Variants in TRDN observed in about 807,000 individuals in gnomAD.
TRDN encodes the protein triadin.
A neutral mutation model predicts 149.7 loss-of-function variants in TRDN; 161 were observed. The ratio of observed to expected loss-of-function variants is 1.08; its 90% CI spans 0.95 to 1.23. The LOEUF (loss-of-function observed/expected upper bound fraction) is 1.23. Among genes scored for constraint, TRDN ranks in the 50% most tolerant of loss-of-function variants. The pLI is 0.00. For missense variants in TRDN, 896 were observed against 823.5 expected, an observed-to-expected ratio of 1.09 and a Z score of -1.08; for synonymous variants, 294 against 250.5, an observed-to-expected ratio of 1.17 and a Z score of -1.64.
At chr6:123,545,285 TAA>T (rs1000745032) in intron 4 of TRDN, among the ~76,000 whole-genome samples, 4 of 151,850 alleles carry the variant, frequency 2.6e-5, no homozygotes, top group African/African-American at 4.8e-5. Flanking sequence ...AAATAACTTA[TAA>T]GACAAGAATA....
chr6:123,449,861 A>G (rs191493772), intron 10 of TRDN, among the ~76,000 whole-genome samples: 1 of 152,316 alleles, frequency 6.6e-6, no homozygotes, highest in East Asian at 1.9e-4. Context: ...CAGATTAACA[A>G]CAGATTTCTG....
intron 12 of TRDN, among the ~76,000 whole-genome samples, chr6:123,430,419 A>G (rs1379194734): frequency 6.6e-6 from 1 of 151,682 alleles, no homozygotes; most frequent in Non-Finnish European, 1.5e-5. Flanking sequence ...CGTCTCTACT[A>G]AAACTACAAA....
chr6:123,466,430 CAG>C (rs1776819088), intron 9 of TRDN, among the ~76,000 whole-genome samples: 1 of 152,040 alleles, frequency 6.6e-6, no homozygotes, highest in Non-Finnish European at 1.5e-5. Context: ...TGAGGTTAAC[CAG>C]AGTTTAGGCT....
At position 123,465,610 on chromosome 6, in the gene TRDN, AG is replaced by A. The variant is rs1562328618; in HGVS notation, c.854-628del. Among the ~76,000 whole-genome samples, 16 of 147,044 alleles carry A rather than the reference AG, an allele frequency of 1.1e-4. No individual in the cohort carries two copies. The East Asian group carries it at 3.2e-3, about 30-fold the overall frequency. Reference sequence around the variant, plus strand: ...AAAAAAAAAAAAAAAAAAAAGAGAGAGAGAGAGAAAGAAAGAAAACCCACAA... The same window carrying A: ...AAAAAAAAAAAAAAAAAAAAGAGAGAAGAGAGAAAGAAAGAAAACCCACAA... On this transcript the variant is annotated intron_variant, in intron 9 of 40. Transcript: ENST00000334268.
chr6:123,426,738 C>T (rs935634172), intron 12 of TRDN, among the ~76,000 whole-genome samples: 3 of 152,044 alleles, frequency 2.0e-5, no homozygotes, highest in Non-Finnish European at 1.5e-5. Context: ...TCATTTTTGA[C>T]CTTATATTCC....
At chr6:123,566,437 T>G (rs1268163030) in intron 2 of TRDN, among the ~76,000 whole-genome samples, 1 of 151,988 alleles carries the variant, frequency 6.6e-6, no homozygotes, top group African/African-American at 2.4e-5. Context: ...ATTCTGAAAA[T>G]AGGGGGAATT....
chr6:123,252,895 A>G (rs1008629868), intron 37 of TRDN, among the ~76,000 whole-genome samples: 2 of 152,132 alleles, frequency 1.3e-5, no homozygotes, highest in Non-Finnish European at 2.9e-5. Context: ...AAATACTCTT[A>G]CTAAAATCAA....
chr6:123,625,069 T>C (rs1583342480), intron 1 of TRDN, among the ~76,000 whole-genome samples: 1 of 85,310 alleles, frequency 1.2e-5, no homozygotes, highest in African/African-American at 3.7e-5. Flanking sequence ...CCTGTCTCTT[T>C]TTTTTTTTTT....
At chr6:123,530,596 A>G (rs1208015876) in intron 4 of TRDN, 31 bp from the exon 5 acceptor site, 3 of 1,163,862 alleles carry the variant, frequency 2.6e-6, no homozygotes, top group Admixed American at 7.1e-5. Flanking sequence ...TAATTTTAAA[A>G]CTCTGAAAAT....
intron 10 of TRDN, among the ~76,000 whole-genome samples, chr6:123,450,412 A>C (rs1360647859): frequency 2.0e-5 from 3 of 152,160 alleles, no homozygotes; most frequent in Non-Finnish European, 4.4e-5. Flanking sequence ...GCAAACAGAC[A>C]CCAAAAGCAA....
chr6:123,601,957 A>G (rs1386231957), intron 1 of TRDN, among the ~76,000 whole-genome samples: 1 of 152,124 alleles, frequency 6.6e-6, no homozygotes, highest in Non-Finnish European at 1.5e-5. Context: ...AAATGGTGGT[A>G]TCAAGACTAG....
At chr6:123,568,363 C>T (rs1421754490) in intron 2 of TRDN, among the ~76,000 whole-genome samples, 1 of 152,184 alleles carries the variant, frequency 6.6e-6, no homozygotes, top group East Asian at 1.9e-4. Flanking sequence ...GTCTGGAGGA[C>T]AGTGGCCTCC....
intron 1 of TRDN, among the ~76,000 whole-genome samples, chr6:123,584,989 A>T (rs11966161): frequency 3.3e-5 from 5 of 151,566 alleles, no homozygotes; most frequent in Admixed American, 2.6e-4. Flanking sequence ...TGTAGCAGGC[A>T]AGTGATAACA....
At chr6:123,318,111 T>G (rs1423388428) in intron 23 of TRDN, among the ~76,000 whole-genome samples, 1 of 152,040 alleles carries the variant, frequency 6.6e-6, no homozygotes, top group Non-Finnish European at 1.5e-5. Flanking sequence ...ATCTAATTAC[T>G]TAGTCTACAA....
Position 123,565,263 on chromosome 6 carries a change from C to G in TRDN, c.232+5660G>C, listed in dbSNP as rs373729101. ...GCTTGAAGGGAAGATCTCCGGCAGC[C>G]TTTCTAAGCCTCTAGCCTCAATTAC... On this transcript the variant is annotated intron_variant, in intron 2 of 40. Transcript: ENST00000334268. 5.0e-4 allele frequency among the ~76,000 whole-genome samples: 76 copies of G among 152,280 alleles called. No homozygotes were observed. The East Asian group carries it at 9.5e-3, about 19-fold the overall frequency.
At chr6:123,435,363 T>G (rs1425053116) in intron 12 of TRDN, among the ~76,000 whole-genome samples, 3 of 152,044 alleles carry the variant, frequency 2.0e-5, no homozygotes, top group African/African-American at 7.2e-5. Context: ...TCTGTAAAAT[T>G]TTACTACTTT....
intron 14 of TRDN, among the ~76,000 whole-genome samples, chr6:123,383,322 A>T (rs1562287638): frequency 6.6e-6 from 1 of 152,146 alleles, no homozygotes; most frequent in Non-Finnish European, 1.5e-5. Context: ...ACTTCCGTAG[A>T]TGTATAAGCT....
intron 5 of TRDN, among the ~76,000 whole-genome samples, chr6:123,529,831 T>C (rs1017279009): frequency 6.6e-6 from 1 of 152,024 alleles, no homozygotes; most frequent in Non-Finnish European, 1.5e-5. Flanking sequence ...TAGAAGAATA[T>C]ATTTTTGAAT....
At chr6:123,304,132 T>C (rs1304251326) in intron 24 of TRDN, among the ~76,000 whole-genome samples, 1 of 152,102 alleles carries the variant, frequency 6.6e-6, no homozygotes, top group Non-Finnish European at 1.5e-5. Context: ...TTGAGTTCAA[T>C]TTTAAGGAAA....
Sources: allele counts gnomAD v4.1 joint callset (sites outside exome capture counted in the v4.1 genomes callset), GRCh38; gene constraint gnomAD v4.1.1; transcripts MANE v1.5; gene names NCBI Gene and HGNC (gene_info 2026-07-23, HGNC 2026-07-21).